Variants in TMEM156 observed in about 807,000 individuals in gnomAD.
TMEM156 encodes transmembrane protein 156.
A neutral mutation model predicts 30.5 loss-of-function variants in TMEM156; 28 were observed. That is an observed-to-expected ratio of 0.92 (90% CI 0.68 to 1.26). The LOEUF is 1.26. TMEM156 is among the 50% of genes most tolerant of loss of function. The probability of loss-of-function intolerance (pLI) is 0.00; values close to 1 mark genes in which losing one functional copy is unlikely to be tolerated. For missense variants in TMEM156, 351 were observed against 340.6 expected (o/e 1.03, Z -0.24); for synonymous variants, 137 against 119.9 (o/e 1.14, Z -0.93).
In TMEM156 at chr4:38,993,896, T is replaced by A; in HGVS notation, c.461A>T (p.Glu154Val). ...TTTTAGATGACAGGTAGTGTTATAT[T>A]CCTCCAAGTGGTCAACCAGAGGAGC... is the stretch of plus-strand genomic sequence containing the variant. ...SVAPLVDHLEEYNTTCHLKNH... is the reference protein window; with the variant it reads ...SVAPLVDHLEVYNTTCHLKNH... The change falls in exon 3 of 7, where the codon GAA becomes GTA. Residue 154 changes from glutamate to valine, a missense_variant. Glu to Val is a moderately radical substitution (Grantham distance 121). Transcript: ENST00000381938. 6.2e-7 allele frequency: 1 copy of A among 1,614,158 alleles called. No homozygotes were observed. The highest frequency in any genetic ancestry group is 1.1e-5 in the South Asian group (1 of 91,088).
chr4:38,983,083 C>A (rs1020364612), intron 5 of TMEM156, among the ~76,000 whole-genome samples: 6 of 152,170 alleles, frequency 3.9e-5, no homozygotes, highest in African/African-American at 1.4e-4. Flanking sequence ...GTGGCCCCAG[C>A]AGTTCAGAGG....
rs188825280 is a variant in TMEM156, at chr4:39,028,020, G to A, written c.88+4206C>T. The stretch of plus-strand genomic sequence containing the variant: ...GACCCACCCAGCTTGGCCTCCCAAA[G>A]TACTGGGATTACACCGCGCCTGGCC... On this transcript the variant is annotated intron_variant, in intron 1 of 6. Transcript: ENST00000381938. Among the ~76,000 whole-genome samples the A allele has an allele frequency of 3.0e-3, 450 of 151,760 alleles. 4 individuals carry two copies. Among genetic ancestry groups the A allele is most frequent in the African/African-American group, 0.01 (433 of 41,502 alleles).
chr4:39,004,287 C>T (rs1713578728), intron 1 of TMEM156, among the ~76,000 whole-genome samples: 1 of 152,062 alleles, frequency 6.6e-6, no homozygotes, highest in South Asian at 2.1e-4. Flanking sequence ...AAATACATGG[C>T]ACTATAGGAC....
intron 6 of TMEM156, among the ~76,000 whole-genome samples, chr4:38,970,067 G>A (rs1247180404): frequency 6.6e-6 from 1 of 152,120 alleles, no homozygotes; most frequent in African/African-American, 2.4e-5. Flanking sequence ...TTTTCAGGGT[G>A]ACCCCAGGCT....
chr4:39,003,445 C>A (rs1713518062), intron 1 of TMEM156, among the ~76,000 whole-genome samples: 1 of 152,064 alleles, frequency 6.6e-6, no homozygotes, highest in Admixed American at 6.6e-5. Flanking sequence ...AGTGATTTTT[C>A]TGCCTCACCC....
chr4:38,989,768 T>TTTTTA lies in TMEM156; in HGVS notation c.620-803_620-799dup, dbSNP rs55758647. ...AACACACAACTGTCTACTGACTCAT[T>TTTTTA]TTTTATTTTATTTTATTTTATCTTA... On this transcript the variant is annotated intron_variant, in intron 3 of 6. Transcript: ENST00000381938. Among the ~76,000 whole-genome samples, 1,163 of 151,878 alleles carry TTTTTA rather than the reference T, an allele frequency of 7.7e-3. 10 individuals are homozygous for TTTTTA. The highest frequency in any genetic ancestry group is 0.026 in the African/African-American group (1,095 of 41,426).
chr4:39,004,864 A>G (rs569599993), intron 1 of TMEM156, among the ~76,000 whole-genome samples: 1 of 152,330 alleles, frequency 6.6e-6, no homozygotes, highest in Non-Finnish European at 1.5e-5. Flanking sequence ...TGACCCAAAA[A>G]TTCCACTCCT....
chr4:38,991,381 T>C (rs4522870), intron 3 of TMEM156, among the ~76,000 whole-genome samples: 74,972 of 151,334 alleles, frequency 0.5, 19,164 homozygotes, highest in East Asian at 0.71. Flanking sequence ...GCACCACACC[T>C]AGCTTATTTT....
chr4:39,026,197 G>A (rs966449687), intron 1 of TMEM156, among the ~76,000 whole-genome samples: 1 of 152,056 alleles, frequency 6.6e-6, no homozygotes. Flanking sequence ...ACAGTGTAAG[G>A]GGAAGATATA....
At chr4:39,006,365 T>G (rs545053903) in intron 1 of TMEM156, among the ~76,000 whole-genome samples, 1 of 152,308 alleles carries the variant, frequency 6.6e-6, no homozygotes, top group African/African-American at 2.4e-5. Flanking sequence ...TGTTTAGAAG[T>G]TATTTACGTT....
chr4:38,976,381 A>T (rs13109263), intron 5 of TMEM156, among the ~76,000 whole-genome samples: 49,018 of 151,144 alleles, frequency 0.32, 8,131 homozygotes, highest in South Asian at 0.41. Context: ...GGCCTCTGGG[A>T]CCTGAGGACA....
At chr4:38,967,689 T>A (rs1722410004) in intron 6 of TMEM156, 48 bp from the exon 7 acceptor site, 1 of 152,262 alleles carries the variant, frequency 6.6e-6, no homozygotes, top group South Asian at 2.1e-4. Flanking sequence ...ACAAAAATTT[T>A]GTTAAGTGTT....
At chr4:38,999,008 T>G in intron 1 of TMEM156, 99 bp from the exon 2 acceptor site, 1 of 922,838 alleles carries the variant, frequency 1.1e-6, no homozygotes. Context: ...CTTAGGTGGA[T>G]TCAGTACATT....
chr4:38,992,682 TTATATA>T (rs1560366651), intron 3 of TMEM156, among the ~76,000 whole-genome samples: 49 of 45,660 alleles, frequency 1.1e-3, no homozygotes, highest in South Asian at 5.6e-3. Context: ...ATATAATATA[TTATATA>T]ATATATTATA....
intron 1 of TMEM156, among the ~76,000 whole-genome samples, chr4:39,011,935 T>C (rs547360700): frequency 2.2e-4 from 34 of 152,250 alleles, no homozygotes; most frequent in African/African-American, 7.2e-4. Flanking sequence ...AAATACCACA[T>C]GTTCTCATTT....
chr4:38,992,929 T>C (rs76690411), intron 3 of TMEM156, among the ~76,000 whole-genome samples: 3 of 149,708 alleles, frequency 2.0e-5, no homozygotes, highest in African/African-American at 7.4e-5. Context: ...ACCCAGCTAA[T>C]TTTTTATATT....
At chr4:39,003,248 A>C (rs922265323) in intron 1 of TMEM156, among the ~76,000 whole-genome samples, 3 of 152,056 alleles carry the variant, frequency 2.0e-5, no homozygotes, top group African/African-American at 7.2e-5. Context: ...CTATATTTGA[A>C]ATTTCTTCTG....
chr4:38,967,585 C>A lies in TMEM156; in HGVS notation c.*95G>T, dbSNP rs919240534. ...AAACATTTTCCAGTCTACTCATTCACAAAATAAACTTCTGAGTATTCTTCA... is the reference window on the plus strand; with the variant it reads ...AAACATTTTCCAGTCTACTCATTCAAAAAATAAACTTCTGAGTATTCTTCA... On this transcript the variant is annotated 3_prime_UTR_variant, in exon 7 of 7. Coordinates refer to ENST00000381938, the MANE Select transcript of TMEM156 (RefSeq NM_024943.3). The A allele has an allele frequency of 6.6e-6, 1 of 152,178 alleles. No homozygotes were observed. The allele number at this position is 152,178 out of a possible 1,614,324, so 9.4% of individuals were successfully genotyped here.
intron 1 of TMEM156, among the ~76,000 whole-genome samples, chr4:39,018,044 T>C (rs1714615294): frequency 1.3e-5 from 2 of 152,232 alleles, no homozygotes; most frequent in African/African-American, 4.8e-5. Flanking sequence ...TTCCTATTTG[T>C]ACCATGCTTT....
Sources: allele counts gnomAD v4.1 joint callset (sites outside exome capture counted in the v4.1 genomes callset), GRCh38; gene constraint gnomAD v4.1.1; transcripts MANE v1.5; gene names NCBI Gene and HGNC (gene_info 2026-07-23, HGNC 2026-07-21).